Variants in PRCP observed in about 807,000 individuals in gnomAD.
PRCP encodes the protein prolylcarboxypeptidase, also known as lysosomal Pro-X carboxypeptidase.
In PRCP, 46 loss-of-function variants were observed where a neutral mutation model predicts 54.2. The observed-to-expected ratio is 0.85, with a 90% CI of 0.67 to 1.09. The LOEUF (loss-of-function observed/expected upper bound fraction) is 1.09, where lower values mean the gene tolerates loss of function less well. PRCP is among the 50% of genes least tolerant of loss of function. The pLI is 0.00. For missense variants in PRCP, 613 were observed against 596.8 expected (o/e 1.03, Z -0.28); for synonymous variants, 240 against 212.2 (o/e 1.13, Z -1.14).
chr11:82,848,420 T>C (rs191403468), intron 6 of PRCP, among the ~76,000 whole-genome samples: 1 of 151,486 alleles, frequency 6.6e-6, no homozygotes, highest in East Asian at 1.9e-4. Context: ...GGTATGTAAG[T>C]ACTGTTATTC....
chr11:82,847,489 G>T (rs184331070), intron 6 of PRCP, among the ~76,000 whole-genome samples: 14 of 152,304 alleles, frequency 9.2e-5, no homozygotes, highest in Admixed American at 7.2e-4. Flanking sequence ...ACATGAAAGC[G>T]CTTTGTAAAT....
intron 8 of PRCP, chr11:82,835,768 TG>T (rs1464388046): frequency 4.7e-6 from 2 of 428,360 alleles, no homozygotes; most frequent in Non-Finnish European, 9.2e-6. Context: ...CTGATAAAGC[TG>T]AAGAAGTTGT....
At chr11:82,838,618 A>T in intron 7 of PRCP, 44 bp from the exon 8 acceptor site, 2 of 1,562,452 alleles carry the variant, frequency 1.3e-6, no homozygotes, top group Non-Finnish European at 1.7e-6. Context: ...AAAATGAGGC[A>T]AAAAGAGGTT....
chr11:82,829,806 C>T (rs1858332877), intron 8 of PRCP: 1 of 152,210 alleles, frequency 6.6e-6, no homozygotes, highest in African/African-American at 2.4e-5. Context: ...TGGCCTCATA[C>T]TGGATGCCCA....
chr11:82,875,805 CA>C (rs1439764073), intron 1 of PRCP, among the ~76,000 whole-genome samples: 2 of 152,116 alleles, frequency 1.3e-5, no homozygotes, highest in Non-Finnish European at 2.9e-5. Context: ...GTAGCGAAGG[CA>C]AACTCAAGAG....
chr11:82,840,775 A>G (rs1410073017), intron 6 of PRCP: 2 of 151,844 alleles, frequency 1.3e-5, no homozygotes, highest in Non-Finnish European at 2.9e-5. Context: ...ATGATTGTCC[A>G]TTATTTTACA....
At chr11:82,881,613 G>C (rs1488099429) in intron 1 of PRCP, among the ~76,000 whole-genome samples, 2 of 152,176 alleles carry the variant, frequency 1.3e-5, no homozygotes, top group Admixed American at 1.3e-4. Context: ...GGGACTGAAG[G>C]GGGTATTATA....
At chr11:82,886,143 T>A (rs988629857) in intron 1 of PRCP, among the ~76,000 whole-genome samples, 4 of 152,238 alleles carry the variant, frequency 2.6e-5, no homozygotes, top group Admixed American at 1.3e-4. Context: ...AAGTTCTGTA[T>A]AATTGAAATC....
intron 6 of PRCP, chr11:82,840,535 A>C (rs1858636876): frequency 6.6e-6 from 1 of 152,218 alleles, no homozygotes; most frequent in East Asian, 1.9e-4. Context: ...CAAATCAAAT[A>C]TAATAAAATA....
intron 6 of PRCP, among the ~76,000 whole-genome samples, chr11:82,842,275 C>G (rs1858691923): frequency 6.6e-6 from 1 of 152,184 alleles, no homozygotes; most frequent in South Asian, 2.1e-4. Context: ...GAGACCGGCA[C>G]TGGCTGACAA....
intron 8 of PRCP, chr11:82,831,319 A>G (rs766000524): frequency 6.6e-6 from 1 of 152,226 alleles, no homozygotes; most frequent in Non-Finnish European, 1.5e-5. Context: ...AATTGCTGTA[A>G]TGAGACTATT....
At chr11:82,844,847 A>T (rs1212829037) in intron 6 of PRCP, among the ~76,000 whole-genome samples, 3 of 152,064 alleles carry the variant, frequency 2.0e-5, no homozygotes, top group Non-Finnish European at 2.9e-5. Context: ...TTCAACTAAA[A>T]GCTAAAAGAA....
chr11:82,855,543 C>G (rs1424246640), intron 2 of PRCP, among the ~76,000 whole-genome samples: 3 of 152,030 alleles, frequency 2.0e-5, no homozygotes, highest in Non-Finnish European at 2.9e-5. Flanking sequence ...GGCGTGAACC[C>G]GGGAGGCGGA....
chr11:82,837,630 CTT>C (rs1858559459), intron 8 of PRCP, among the ~76,000 whole-genome samples: 1 of 152,162 alleles, frequency 6.6e-6, no homozygotes, highest in Non-Finnish European at 1.5e-5. Context: ...TCTATATAGA[CTT>C]GGGGAAATTC....
Position 82,823,960 on chromosome 11 carries a change from C to G in PRCP, c.*946G>C, listed in dbSNP as rs546921531. The stretch of plus-strand genomic sequence containing the variant: ...CTAACACTTCTGGTTTTAATGACAG[C>G]AGTAACAACTATCAGAAAATAAAAT... On this transcript the variant is annotated 3_prime_UTR_variant, in exon 9 of 9. Transcript: ENST00000313010. The G allele has an allele frequency of 6.6e-6, 1 of 152,280 alleles. No individual in the cohort carries two copies. Among genetic ancestry groups the G allele is most frequent in the South Asian group, 2.1e-4 (1 of 4,820 alleles). The allele number at this position is 152,280 out of a possible 1,614,324, so 9.4% of individuals were successfully genotyped here.
chr11:82,848,416 T>C (rs1858861759), intron 6 of PRCP, among the ~76,000 whole-genome samples: 1 of 151,836 alleles, frequency 6.6e-6, no homozygotes, highest in Non-Finnish European at 1.5e-5. Flanking sequence ...ATTTGGTATG[T>C]AAGTACTGTT....
At chr11:82,846,961 C>A (rs1226738488) in intron 6 of PRCP, among the ~76,000 whole-genome samples, 1 of 152,160 alleles carries the variant, frequency 6.6e-6, no homozygotes, top group African/African-American at 2.4e-5. Flanking sequence ...CAGCCCACTG[C>A]CTATTTTTAC....
rs1019904791 is a variant in PRCP, at chr11:82,823,541, T to C, written c.*1365A>G. 1.1e-4 allele frequency: 12 copies of C among 105,390 alleles called. No homozygotes were observed. The highest frequency in any genetic ancestry group is 5.6e-4 in the African/African-American group (11 of 19,596). 6.5% of individuals were successfully genotyped at this position (105,390 alleles called of 1,614,324 possible). A position where few individuals can be genotyped will look rare whatever the true frequency, so the allele number is the denominator to read the frequency against. On this transcript the variant is annotated 3_prime_UTR_variant, in exon 9 of 9. Coordinates refer to ENST00000313010, the MANE Select transcript of PRCP (RefSeq NM_005040.4). The stretch of plus-strand genomic sequence containing the variant: ...CCAAGAATGAACTCTATATATGCCC[T>C]TAAAAAAAAAAAATGCCATAAAAAT...
At chr11:82,835,803 A>G (rs943168517) in intron 8 of PRCP, 4 of 492,026 alleles carry the variant, frequency 8.1e-6, no homozygotes, top group Non-Finnish European at 1.6e-5. Context: ...ATTGAAAGTG[A>G]TGTTCAAGAA....
Sources: gnomAD v4.1 joint callset for allele counts (sites outside exome capture counted in the v4.1 genomes callset) on GRCh38, gnomAD v4.1.1 for gene constraint, MANE v1.5 for transcripts, NCBI Gene and HGNC (gene_info 2026-07-23, HGNC 2026-07-21) for gene names.